The following DDR2 variants were observed in gnomAD, a reference collection of about 807,000 sequenced individuals.
DDR2 encodes discoidin domain receptor tyrosine kinase 2, also known as discoidin domain-containing receptor 2.
Under a neutral mutation model 94.9 loss-of-function variants are expected in DDR2, and 27 were observed. The observed-to-expected ratio is 0.28, with a 90% confidence interval of 0.21 to 0.39. DDR2 has a LOEUF of 0.39. Among genes scored for constraint, DDR2 ranks in the 10% least tolerant of loss-of-function variants. The pLI, the probability that DDR2 is intolerant of heterozygous loss-of-function variation, is 1.00. For missense variants in DDR2, 783 were observed against 1,076.0 expected, an observed-to-expected ratio of 0.73 and a Z score of 3.81; for synonymous variants, 382 against 377.2, an observed-to-expected ratio of 1.01 and a Z score of -0.15.
At chr1:162,760,969 T>TA (rs906462567) in intron 8 of DDR2, among the ~76,000 whole-genome samples, 102 of 147,320 alleles carry the variant, frequency 6.9e-4, no homozygotes, top group East Asian at 2.8e-3. Context: ...ATGAGATTTC[T>TA]AAAAAAAAAA....
At chr1:162,733,003 A>C (rs1325691082) in intron 3 of DDR2, among the ~76,000 whole-genome samples, 1 of 152,148 alleles carries the variant, frequency 6.6e-6, no homozygotes, top group Non-Finnish European at 1.5e-5. Flanking sequence ...GTAGTTTTCC[A>C]CTCTGGGAAA....
chr1:162,734,410 G>A (rs1203964785), intron 3 of DDR2, among the ~76,000 whole-genome samples: 2 of 152,202 alleles, frequency 1.3e-5, no homozygotes, highest in Non-Finnish European at 2.9e-5. Context: ...AGAAATTGGA[G>A]ATACAACAGA....
rs1648072766 is a variant in DDR2 at position 162,784,614 on chromosome 1, A to G, written c.*4368A>G. ...GACTGGAGTGGTTAATGGTGATTTG[A>G]TTTCTGGCATTCTGAGTTTTCTGCT... is the stretch of plus-strand genomic sequence containing the variant. On this transcript the variant is annotated 3_prime_UTR_variant, in exon 18 of 18. Coordinates refer to ENST00000367921, the MANE Select transcript of DDR2 (RefSeq NM_006182.4). The G allele has an allele frequency of 6.6e-6, 1 of 152,164 alleles. No homozygotes were observed. The highest frequency in any genetic ancestry group is 2.4e-5 in the African/African-American group (1 of 41,428). The allele number at this position is 152,164 out of a possible 1,614,324, so 9.4% of individuals were successfully genotyped here. A position where few individuals can be genotyped will look rare whatever the true frequency, so the allele number is the denominator to read the frequency against.
At chr1:162,681,032 C>A (rs73020599) in intron 2 of DDR2, among the ~76,000 whole-genome samples, 1 of 152,090 alleles carries the variant, frequency 6.6e-6, no homozygotes, top group African/African-American at 2.4e-5. Context: ...ATGAAGAGAA[C>A]GCTGTCTGGA....
intron 1 of DDR2, among the ~76,000 whole-genome samples, chr1:162,641,547 A>G (rs1657127241): frequency 6.6e-6 from 1 of 152,248 alleles, no homozygotes; most frequent in African/African-American, 2.4e-5. Context: ...GCATTAACCC[A>G]TAAGTGAGTA....
chr1:162,693,459 A>T (rs1357048563), intron 2 of DDR2, among the ~76,000 whole-genome samples: 1 of 152,174 alleles, frequency 6.6e-6, no homozygotes, highest in Non-Finnish European at 1.5e-5. Context: ...TCAAACAAAG[A>T]CATTTTGAGA....
At chr1:162,688,446 G>A (rs1195710747) in intron 2 of DDR2, among the ~76,000 whole-genome samples, 1 of 152,200 alleles carries the variant, frequency 6.6e-6, no homozygotes, top group African/African-American at 2.4e-5. Context: ...GGCAACTGAG[G>A]CACAGAGATG....
In DDR2 at chr1:162,773,449, A is replaced by G. The variant is rs1647343867; in HGVS notation, c.1729-20A>G. The stretch of plus-strand genomic sequence containing the variant: ...CTTCAGGAGAAATGATGATGCTGAG[A>G]CTAGATGACTTTTGTCTAGGTTCAT... On this transcript the variant is annotated intron_variant, in intron 13 of 17. Transcript: ENST00000367921. 2 of 1,612,752 alleles carry G rather than the reference A, an allele frequency of 1.2e-6. No homozygotes were observed. The highest frequency in any genetic ancestry group is 2.7e-5 in the African/African-American group (2 of 74,900).
At chr1:162,749,190 C>T (rs1663048290) in intron 3 of DDR2, among the ~76,000 whole-genome samples, 1 of 152,148 alleles carries the variant, frequency 6.6e-6, no homozygotes, top group African/African-American at 2.4e-5. Flanking sequence ...ACACAAAAAA[C>T]CCTTCAAAAA....
In DDR2 at chr1:162,785,726, AAC is replaced by A. The variant is rs1328087638; in HGVS notation, c.*5482_*5483del. On this transcript the variant is annotated 3_prime_UTR_variant, in exon 18 of 18. Transcript: ENST00000367921. The stretch of plus-strand genomic sequence containing the variant: ...ATGTAGGGAGAATTGTTTTGCTTGT[AAC>A]ATGGAGAGTTTATTTTCAAGTGAGG... The A allele has an allele frequency of 1.2e-4, 19 of 152,346 alleles. No individual in the cohort carries two copies. The highest frequency in any genetic ancestry group is 3.4e-3 in the Middle Eastern group (1 of 294). 9.4% of individuals were successfully genotyped at this position (152,346 alleles called of 1,614,324 possible).
At chr1:162,672,882 C>T (rs1658939505) in intron 2 of DDR2, among the ~76,000 whole-genome samples, 1 of 152,038 alleles carries the variant, frequency 6.6e-6, no homozygotes, top group Admixed American at 6.6e-5. Context: ...TGAAGCATCC[C>T]CACTCAGAGA....
intron 3 of DDR2, among the ~76,000 whole-genome samples, chr1:162,740,762 G>A (rs988115914): frequency 6.6e-6 from 1 of 152,110 alleles, no homozygotes; most frequent in East Asian, 1.9e-4. Context: ...ATTGCTTAAC[G>A]AATTATTTAA....
chr1:162,739,977 A>AG (rs1662509839), intron 3 of DDR2, among the ~76,000 whole-genome samples: 1 of 152,084 alleles, frequency 6.6e-6, no homozygotes, highest in African/African-American at 2.4e-5. Context: ...AAAAAAAAAA[A>AG]AAGACTGAAG....
At chr1:162,647,673 A>C (rs904649931) in intron 1 of DDR2, among the ~76,000 whole-genome samples, 2 of 152,216 alleles carry the variant, frequency 1.3e-5, no homozygotes, top group Non-Finnish European at 2.9e-5. Context: ...TTTTTAGACT[A>C]TATGAGGTAA....
intron 9 of DDR2, among the ~76,000 whole-genome samples, chr1:162,762,858 A>G (rs910721875): frequency 4.6e-5 from 7 of 152,106 alleles, no homozygotes; most frequent in Admixed American, 4.6e-4. Flanking sequence ...TTATTTTTAG[A>G]CAGAGTCTCG....
chr1:162,773,942 T>C (rs755971913), intron 14 of DDR2, among the ~76,000 whole-genome samples: 2 of 152,232 alleles, frequency 1.3e-5, no homozygotes, highest in Non-Finnish European at 2.9e-5. Context: ...TTACCTCCTC[T>C]TGACAAAGTC....
chr1:162,773,279 G>A (rs1183023212), intron 13 of DDR2, among the ~76,000 whole-genome samples, 190 bp from the exon 14 acceptor site: 1 of 152,152 alleles, frequency 6.6e-6, no homozygotes, highest in Non-Finnish European at 1.5e-5. Context: ...CATTAGCTGG[G>A]TACTTTACCA....
At chr1:162,741,776 G>C in intron 3 of DDR2, 1 of 985,112 alleles carries the variant, frequency 1.0e-6, no homozygotes, top group Non-Finnish European at 1.2e-6. Context: ...TGAGCGTTCT[G>C]ATAAACTGAC....
rs1648128465 is a variant in DDR2 at position 162,785,878 on chromosome 1, G to T, written c.*5632G>T. 1 of 152,172 alleles carries T rather than the reference G, an allele frequency of 6.6e-6. No homozygotes were observed. Among genetic ancestry groups the T allele is most frequent in the South Asian group, 2.1e-4 (1 of 4,830 alleles). 9.4% of individuals were successfully genotyped at this position (152,172 alleles called of 1,614,324 possible). ...TGAGGCATTTAGACAGCAATGAAAG[G>T]TAGTTCTCCACAGGACACCGAATCA... On this transcript the variant is annotated 3_prime_UTR_variant, in exon 18 of 18. Transcript: ENST00000367921.
Sources: gnomAD v4.1 joint callset for allele counts (sites outside exome capture counted in the v4.1 genomes callset) on GRCh38, gnomAD v4.1.1 for gene constraint, MANE v1.5 for transcripts, NCBI Gene and HGNC (gene_info 2026-07-23, HGNC 2026-07-21) for gene names.